DMD: variants seen among roughly 807,000 people sequenced by gnomAD.
DMD encodes the protein dystrophin, also known as mutant dystrophin.
A neutral mutation model predicts 330.1 loss-of-function variants in DMD; 63 were observed. That is an observed-to-expected ratio of 0.19 (90% confidence interval 0.16 to 0.24). The LOEUF (loss-of-function observed/expected upper bound fraction) is 0.24. DMD is among the 10% of genes least tolerant of loss of function. The pLI is 1.00. For missense variants in DMD, 3,344 were observed against 2,684.1 expected, an observed-to-expected ratio of 1.25 and a Z score of -5.43; for synonymous variants, 1,223 against 959.8, an observed-to-expected ratio of 1.27 and a Z score of -5.07.
chrX:33,244,076 T>G (rs992764416), intron 1 of DMD, among the ~76,000 whole-genome samples: 7 of 112,118 alleles, frequency 6.2e-5, no homozygotes, highest in African/African-American at 2.3e-4. Context: ...CTTAACTTCT[T>G]TTTTTCCTAT....
chrX:32,255,731 T>C (rs1307358102), intron 43 of DMD, among the ~76,000 whole-genome samples: 5 of 112,405 alleles, frequency 4.4e-5, no homozygotes, highest in African/African-American at 6.5e-5. Context: ...GTTAATCCAA[T>C]ATTAATATCC....
intron 54 of DMD, among the ~76,000 whole-genome samples, chrX:31,647,210 C>T (rs1431172347): frequency 1.8e-5 from 2 of 111,680 alleles, no homozygotes; most frequent in African/African-American, 6.5e-5. Context: ...AAGGACAGAG[C>T]TGAGATTAGA....
chrX:33,097,454 T>G (rs1390448015), intron 1 of DMD, among the ~76,000 whole-genome samples: 1 of 110,498 alleles, frequency 9.0e-6, no homozygotes, highest in Non-Finnish European at 1.9e-5. Flanking sequence ...GGAAATTTGT[T>G]GATACAGATG....
intron 52 of DMD, among the ~76,000 whole-genome samples, chrX:31,701,786 T>TAA (rs2083830024): frequency 8.9e-6 from 1 of 112,602 alleles, no homozygotes; most frequent in African/African-American, 3.2e-5. Context: ...CATCACCTGA[T>TAA]AACTTGTTAG....
intron 26 of DMD, among the ~76,000 whole-genome samples, chrX:32,450,970 G>A (rs1429529650): frequency 9.0e-6 from 1 of 110,879 alleles, no homozygotes; most frequent in Non-Finnish European, 1.9e-5. Flanking sequence ...TTCTCTACTA[G>A]GAGAAAAGGT....
At chrX:32,039,034 C>T (rs965041370) in intron 44 of DMD, among the ~76,000 whole-genome samples, 7 of 111,205 alleles carry the variant, frequency 6.3e-5, no homozygotes, top group Admixed American at 3.9e-4. Flanking sequence ...AGATAAGTTA[C>T]TGATCTTCTC....
At chrX:33,224,464 T>C (rs779529405) in intron 1 of DMD, among the ~76,000 whole-genome samples, 1 of 111,643 alleles carries the variant, frequency 9.0e-6, no homozygotes, top group African/African-American at 3.3e-5. Context: ...AGGAAGCCAA[T>C]CTGAAAATGC....
chrX:32,542,945 A>G (rs2048622982), intron 17 of DMD, among the ~76,000 whole-genome samples: 1 of 111,911 alleles, frequency 8.9e-6, no homozygotes, highest in African/African-American at 3.3e-5. Flanking sequence ...AGGTAAATCA[A>G]TAGGATTACC....
chrX:31,254,857 T>C (rs112428088), intron 63 of DMD, among the ~76,000 whole-genome samples: 3,611 of 109,288 alleles, frequency 0.033, 171 homozygotes, highest in African/African-American at 0.11. Context: ...CTGGGCAACA[T>C]GGTAAGACCT....
chrX:32,123,289 G>A (rs1368154071), intron 44 of DMD, among the ~76,000 whole-genome samples: 1 of 91,745 alleles, frequency 1.1e-5, no homozygotes, highest in African/African-American at 4.1e-5. Flanking sequence ...CTTGTTACAG[G>A]ATGGACCTTT....
At chrX:32,209,273 G>A (rs896387468) in intron 44 of DMD, among the ~76,000 whole-genome samples, 3 of 111,050 alleles carry the variant, frequency 2.7e-5, no homozygotes, top group Non-Finnish European at 5.7e-5. Flanking sequence ...TTTAAGATGG[G>A]GGAGTTACAA....
chrX:33,008,626 G>C (rs1041296859), intron 2 of DMD, among the ~76,000 whole-genome samples: 6 of 109,379 alleles, frequency 5.5e-5, no homozygotes, highest in Non-Finnish European at 9.6e-5. Context: ...ACAGTCAATA[G>C]TAATGCCACA....
chrX:31,963,027 G>A (rs939583156), intron 45 of DMD, among the ~76,000 whole-genome samples: 55 of 111,806 alleles, frequency 4.9e-4, no homozygotes, highest in African/African-American at 1.7e-3. Context: ...AAGCTATTTG[G>A]TTGGGGGTGG....
At chrX:32,242,299 C>A (rs1241749545) in intron 43 of DMD, among the ~76,000 whole-genome samples, 2 of 111,531 alleles carry the variant, frequency 1.8e-5, no homozygotes, top group Non-Finnish European at 3.8e-5. Flanking sequence ...TCACTCTGGG[C>A]CACCTAAGTC....
At chrX:32,044,105 C>A (rs969316312) in intron 44 of DMD, among the ~76,000 whole-genome samples, 18 of 111,382 alleles carry the variant, frequency 1.6e-4, no homozygotes, top group African/African-American at 5.9e-4. Flanking sequence ...TAAACATTAT[C>A]AAGGGGACTA....
chrX:32,439,463 C>G (rs547477812), intron 28 of DMD, among the ~76,000 whole-genome samples: 92 of 111,406 alleles, frequency 8.3e-4, no homozygotes, highest in African/African-American at 2.7e-3. Flanking sequence ...TTACTTCTAA[C>G]AAATCTTAAT....
At chrX:33,050,693 C>A (rs753488304) in intron 1 of DMD, among the ~76,000 whole-genome samples, 32 of 111,360 alleles carry the variant, frequency 2.9e-4, no homozygotes, top group Admixed American at 7.7e-4. Flanking sequence ...AGCCCATAGC[C>A]CATGACAAAG....
chrX:32,374,380 GC>G (rs1173128646), intron 34 of DMD, among the ~76,000 whole-genome samples: 1 of 111,354 alleles, frequency 9.0e-6, no homozygotes, highest in African/African-American at 3.3e-5. Flanking sequence ...CTTTGCCTAA[GC>G]CAGTGTCCAG....
At chrX:31,771,018 A>G (rs771069438) in intron 51 of DMD, among the ~76,000 whole-genome samples, 2 of 111,996 alleles carry the variant, frequency 1.8e-5, no homozygotes, top group South Asian at 7.4e-4. Context: ...GGTGTTAGTA[A>G]AGTTTTTTTC....
Sources: gnomAD v4.1 joint callset for allele counts (sites outside exome capture counted in the v4.1 genomes callset) on GRCh38, gnomAD v4.1.1 for gene constraint, MANE v1.5 for transcripts, NCBI Gene and HGNC (gene_info 2026-07-23, HGNC 2026-07-21) for gene names.